The following CRAMP1 variants were observed in gnomAD, a reference collection of about 807,000 sequenced individuals.
CRAMP1 encodes cramped chromatin regulator 1, also known as protein cramped-like.
Under a neutral mutation model 115.4 loss-of-function variants are expected in CRAMP1, and 50 were observed. The ratio of observed to expected loss-of-function variants is 0.43; its 90% CI spans 0.35 to 0.55. The LOEUF (loss-of-function observed/expected upper bound fraction) is 0.55, where lower values mean the gene tolerates loss of function less well. Ranked by LOEUF, CRAMP1 falls within the 20% of genes least tolerant of loss-of-function variation. CRAMP1 has a pLI of 0.01. For missense variants in CRAMP1, 1,679 were observed against 1,721.7 expected, an observed-to-expected ratio of 0.98 and a Z score of 0.44; for synonymous variants, 866 against 745.4, an observed-to-expected ratio of 1.16 and a Z score of -2.64.
At position 1,674,205 on chromosome 16, in the gene CRAMP1, A is replaced by C; in HGVS notation, c.*160A>C. 1 of 687,138 alleles carries C rather than the reference A, an allele frequency of 1.5e-6. No homozygotes were observed. The highest frequency in any genetic ancestry group is 2.4e-6 in the Non-Finnish European group (1 of 415,746). 42.6% of individuals were successfully genotyped at this position (687,138 alleles called of 1,614,324 possible). A position where few individuals can be genotyped will look rare whatever the true frequency, so the allele number is the denominator to read the frequency against. On this transcript the variant is annotated 3_prime_UTR_variant, in exon 21 of 21. Transcript: ENST00000397412. The stretch of plus-strand genomic sequence containing the variant: ...AGCTGCTTCCCCACGAGCAGCAGGC[A>C]ACGGCGTCCAAGGAGACTAGGATGA...
chr16:1,629,709 C>T (rs775436607), intron 3 of CRAMP1, among the ~76,000 whole-genome samples: 1 of 152,202 alleles, frequency 6.6e-6, no homozygotes, highest in South Asian at 2.1e-4. Flanking sequence ...GAGGGCTGGG[C>T]CTGCCTGGAC....
Position 1,675,104 on chromosome 16 carries a change from T to C in CRAMP1, c.*1059T>C, listed in dbSNP as rs2294445. ...CTCCTTCCCATTTGGGACACCCAGG[T>C]GAGGGCCCAGACATCTGGATGTGGT... On this transcript the variant is annotated 3_prime_UTR_variant, in exon 21 of 21. Coordinates refer to ENST00000397412, the MANE Select transcript of CRAMP1 (RefSeq NM_020825.4). The C allele has an allele frequency of 0.11, 17,148 of 152,262 alleles. 1,305 individuals are homozygous for C. The highest frequency in any genetic ancestry group is 0.21 in the African/African-American group (8,737 of 41,494). The allele number at this position is 152,262 out of a possible 1,614,324, so 9.4% of individuals were successfully genotyped here.
At position 1,666,117 on chromosome 16, in the gene CRAMP1, G is replaced by C; in HGVS notation, c.2797G>C (p.Ala933Pro). The change falls in exon 15 of 21, where the codon GCT (alanine) becomes CCT (proline). Residue 933 changes from alanine to proline, a missense_variant. Ala to Pro is a conservative substitution (Grantham distance 27, BLOSUM62 -1). Around this residue, in one of 8 missense-constraint regions of CRAMP1, gnomAD observed 709 missense variants for 741.9 expected, o/e 0.96. Transcript: ENST00000397412. The surrounding 1 kb of genome is among the most constrained non-coding windows in gnomAD (Gnocchi z 5.0). ...CATCCAGTCTTCTCTGACCAAAGCA[G>C]CTCTGTCTCGGCCGATCGTGCCCAA... The part of the protein sequence containing the change: ...RPIQSSLTKA[A>P]LSRPIVPKVL... 3.7e-6 allele frequency: 6 copies of C among 1,612,392 alleles called. No homozygotes were observed. The highest frequency in any genetic ancestry group is 4.2e-6 in the Non-Finnish European group (5 of 1,179,340).
At chr16:1,624,482 C>T (rs531892854) in intron 2 of CRAMP1, among the ~76,000 whole-genome samples, 6 of 151,724 alleles carry the variant, frequency 4.0e-5, no homozygotes, top group East Asian at 1.9e-4. Context: ...GGTGCGATCT[C>T]GGCTCACTGC....
rs748029109 is a variant in CRAMP1 at position 1,666,174 on chromosome 16, G to C, written c.2854G>C (p.Ala952Pro). Residue 952 changes from alanine to proline, a missense_variant, in exon 15 of 21, where the codon GCC becomes CCC. By Grantham distance (27) the Ala-to-Pro change is conservative. This residue lies in a region of CRAMP1 where 709 missense variants were observed against 741.9 expected (regional missense o/e 0.96). Transcript: ENST00000397412. This position sits in a 1 kb window ranked among gnomAD's most constrained non-coding sequence, Gnocchi z 5.0. ...VLPPQATSHL[A>P]SAIDLAATSA... ...TCCACCCCAGGCCACGAGTCACCTG[G>C]CCAGTAAGTCTGTACCTGCATGGCC... 1.9e-6 allele frequency: 3 copies of C among 1,600,228 alleles called. No individual in the cohort carries two copies. Among genetic ancestry groups the C allele is most frequent in the Non-Finnish European group, 2.6e-6 (3 of 1,172,180 alleles).
chr16:1,625,471 C>T (rs2036500751), intron 2 of CRAMP1, among the ~76,000 whole-genome samples: 1 of 152,074 alleles, frequency 6.6e-6, no homozygotes, highest in Non-Finnish European at 1.5e-5. Flanking sequence ...GATTCTTAGG[C>T]GTTGGACAGT....
Position 1,667,245 on chromosome 16 carries a change from C to CGCCT in CRAMP1, c.3037-89_3037-86dup, listed in dbSNP as rs2036883580. 4 of 1,018,420 alleles carry CGCCT rather than the reference C, an allele frequency of 3.9e-6. No individual in the cohort carries two copies. In the South Asian group the frequency reaches 5.2e-5, roughly 13 times the overall value. 63.1% of individuals were successfully genotyped at this position (1,018,420 alleles called of 1,614,324 possible). A position where few individuals can be genotyped will look rare whatever the true frequency, so the allele number is the denominator to read the frequency against. Reference sequence around the variant, plus strand: ...CTGTTAGGAGGCCAGGGGGATGGAACGCCTCTTTTTCTGGAACTCTGTCGC... The same window carrying CGCCT: ...CTGTTAGGAGGCCAGGGGGATGGAACGCCTGCCTCTTTTTCTGGAACTCTGTCGC... On this transcript the variant is annotated intron_variant, in intron 16 of 20. Coordinates refer to ENST00000397412, the MANE Select transcript of CRAMP1 (RefSeq NM_020825.4).
In CRAMP1 at chr16:1,671,777, G is replaced by A. The variant is rs1049430405; in HGVS notation, c.3645+968G>A. Among the ~76,000 whole-genome samples, 5 of 152,194 alleles carry A rather than the reference G, an allele frequency of 3.3e-5. No homozygotes were observed. The highest frequency in any genetic ancestry group is 2.6e-4 in the Admixed American group (4 of 15,282). On this transcript the variant is annotated intron_variant, in intron 20 of 20. Transcript: ENST00000397412. The surrounding 1 kb of genome is among the most constrained non-coding windows in gnomAD (Gnocchi z 5.0). Reference sequence around the variant, plus strand: ...ACAGCTGTTTCTCACGGACACCTCCGCTACCCAGTATCCGAATGTGAATCG... The same window carrying A: ...ACAGCTGTTTCTCACGGACACCTCCACTACCCAGTATCCGAATGTGAATCG...
rs185400486 is a variant in CRAMP1, at chr16:1,634,142, C to T, written c.694+1777C>T. Among the ~76,000 whole-genome samples the T allele has an allele frequency of 9.4e-4, 143 of 152,224 alleles. 2 individuals are homozygous for T. The highest frequency in any genetic ancestry group is 3.3e-3 in the African/African-American group (136 of 41,550). On this transcript the variant is annotated intron_variant, in intron 4 of 20. Coordinates refer to ENST00000397412, the MANE Select transcript of CRAMP1 (RefSeq NM_020825.4). ...GCCAGCAGCGGAGGGGACTGGGCAG[C>T]TGTTTAGTAGATGAGGTATAGAGAG...
intron 3 of CRAMP1, among the ~76,000 whole-genome samples, chr16:1,626,624 G>A (rs1004687707): frequency 3.9e-5 from 6 of 152,032 alleles, no homozygotes; most frequent in African/African-American, 1.4e-4. Flanking sequence ...AAAATGGAAA[G>A]TCCTAAAAAT....
intron 3 of CRAMP1, among the ~76,000 whole-genome samples, chr16:1,630,616 C>T (rs2036541585): frequency 6.6e-6 from 1 of 152,202 alleles, no homozygotes; most frequent in African/African-American, 2.4e-5. Flanking sequence ...TTCAGATTAA[C>T]AAGGGTCCCA....
intron 6 of CRAMP1, among the ~76,000 whole-genome samples, chr16:1,643,280 C>T (rs190348319): frequency 1.3e-5 from 2 of 152,184 alleles, no homozygotes; most frequent in South Asian, 2.1e-4. Context: ...TAGTGGCTCA[C>T]GCCTGAAATC....
In CRAMP1 at chr16:1,667,364, G is replaced by A. The variant is rs778756988; in HGVS notation, c.3066G>A (p.Ser1022=). The change falls in exon 17 of 21, where the codon TCG becomes TCA. Residue 1022 remains serine (S), a synonymous_variant. Transcript: ENST00000397412. The part of the protein sequence containing the change: ...GGSDPFVSIP[S]RPEQEPVADS... ...CCGACCCATTTGTCAGCATCCCTTCGAGGCCTGAGCAGGAGCCAGTGGCAG... is the reference window on the plus strand; with the variant it reads ...CCGACCCATTTGTCAGCATCCCTTCAAGGCCTGAGCAGGAGCCAGTGGCAG... The A allele has an allele frequency of 6.2e-6, 10 of 1,613,222 alleles. No individual in the cohort carries two copies. The highest frequency in any genetic ancestry group is 4.4e-5 in the South Asian group (4 of 91,082).
At chr16:1,643,495 C>T (rs1414667670) in intron 6 of CRAMP1, among the ~76,000 whole-genome samples, 1 of 151,942 alleles carries the variant, frequency 6.6e-6, no homozygotes, top group Non-Finnish European at 1.5e-5. Flanking sequence ...GAACCAAGAT[C>T]CCTCCACTGT....
chr16:1,664,165 G>A lies in CRAMP1; in HGVS notation c.2671-892G>A, dbSNP rs566015611. 5.3e-5 allele frequency among the ~76,000 whole-genome samples: 8 copies of A among 152,334 alleles called. No homozygotes were observed. In the South Asian group the frequency reaches 6.2e-4, roughly 12 times the overall value. On this transcript the variant is annotated intron_variant, in intron 13 of 20. Coordinates refer to ENST00000397412, the MANE Select transcript of CRAMP1 (RefSeq NM_020825.4). ...GAAGCGCCTCAGACACTTGTAGGTC[G>A]AGAGACACTTTTTTGTTCATGTTTT...
Position 1,656,230 on chromosome 16 carries a change from C to G in CRAMP1, c.1473C>G (p.Pro491=), listed in dbSNP as rs540067077. 3.1e-6 allele frequency: 5 copies of G among 1,607,890 alleles called. No homozygotes were observed. Among genetic ancestry groups the G allele is most frequent in the Non-Finnish European group, 4.2e-6 (5 of 1,178,644 alleles). Residue 491 remains proline, a synonymous_variant, in exon 10 of 21, where the codon CCC becomes CCG. Coordinates refer to ENST00000397412, the MANE Select transcript of CRAMP1 (RefSeq NM_020825.4). The surrounding 1 kb of genome is among the most constrained non-coding windows in gnomAD (Gnocchi z 5.6). The part of the protein sequence containing the change: ...DALQSSGESS[P]ESAPGEGAAL... Reference sequence around the variant, plus strand: ...TGCAGAGCTCCGGAGAGAGTTCCCCCGAAAGCGCCCCCGGGGAGGGGGCTG... The same window carrying G: ...TGCAGAGCTCCGGAGAGAGTTCCCCGGAAAGCGCCCCCGGGGAGGGGGCTG...
chr16:1,635,542 C>T (rs976067613), intron 4 of CRAMP1, among the ~76,000 whole-genome samples: 48 of 152,202 alleles, frequency 3.2e-4, no homozygotes, highest in Admixed American at 2.8e-3. Context: ...CTCCCGGAAG[C>T]CCTGCTTCGT....
intron 6 of CRAMP1, among the ~76,000 whole-genome samples, chr16:1,642,003 C>G (rs2036636690): frequency 6.6e-6 from 1 of 152,164 alleles, no homozygotes; most frequent in Non-Finnish European, 1.5e-5. Context: ...TCATGGGTAG[C>G]CATCCCATCT....
At position 1,666,176 on chromosome 16, in the gene CRAMP1, C is replaced by T. The variant is rs2036874365; in HGVS notation, c.2856C>T (p.Ala952=). ...VLPPQATSHL[A]SAIDLAATSA... is the part of the protein sequence containing the mutation. ...CACCCCAGGCCACGAGTCACCTGGC[C>T]AGTAAGTCTGTACCTGCATGGCCAC... The change falls in exon 15 of 21, where the codon GCC becomes GCT. Residue 952 remains alanine (A), a splice_region_variant and synonymous_variant. Transcript: ENST00000397412. This position sits in a 1 kb window ranked among gnomAD's most constrained non-coding sequence, Gnocchi z 5.0. The T allele has an allele frequency of 1.3e-6, 2 of 1,597,020 alleles. No homozygotes were observed. The highest frequency in any genetic ancestry group is 1.3e-5 in the African/African-American group (1 of 74,576).
Sources: gnomAD v4.1 joint callset for allele counts (sites outside exome capture counted in the v4.1 genomes callset) on GRCh38, gnomAD v4.1.1 for gene constraint, gnomAD v4.1.1 regional missense constraint, Gnocchi (gnomAD v3.1) non-coding constraint, MANE v1.5 for transcripts, NCBI Gene and HGNC (gene_info 2026-07-23, HGNC 2026-07-21) for gene names.